ANO2: variants seen among roughly 807,000 people sequenced by gnomAD.
ANO2 encodes anoctamin 2, also known as anoctamin-2.
ANO2 carries 101 observed loss-of-function variants against 124.2 expected under a neutral mutation model. The observed-to-expected ratio is 0.81, with a 90% CI of 0.69 to 0.96. The LOEUF (loss-of-function observed/expected upper bound fraction) is 0.96, where lower values mean the gene tolerates loss of function less well. Among genes scored for constraint, ANO2 ranks in the 40% least tolerant of loss-of-function variants. The pLI, the probability that ANO2 is intolerant of heterozygous loss-of-function variation, is 0.00. For synonymous variants in ANO2, 486 were observed against 482.5 expected (o/e 1.01, Z -0.09); for missense variants, 1,293 against 1,274.5 (o/e 1.01, Z -0.22).
chr12:5,722,133 T>C (rs1341976733), intron 14 of ANO2, among the ~76,000 whole-genome samples: 1 of 152,234 alleles, frequency 6.6e-6, no homozygotes, highest in Non-Finnish European at 1.5e-5. Context: ...TCATGCTTCC[T>C]GTTCCACAAT....
At chr12:5,820,189 C>T (rs1953741746) in intron 7 of ANO2, among the ~76,000 whole-genome samples, 1 of 152,184 alleles carries the variant, frequency 6.6e-6, no homozygotes, top group Non-Finnish European at 1.5e-5. Flanking sequence ...CCCCACTATA[C>T]TACTGACAAT....
chr12:5,910,764 A>T (rs922377407), intron 3 of ANO2, among the ~76,000 whole-genome samples: 5 of 152,126 alleles, frequency 3.3e-5, no homozygotes, highest in African/African-American at 1.2e-4. Context: ...TCAGTGAAGG[A>T]GGACACTTAA....
chr12:5,572,321 C>G (rs1942174523), intron 23 of ANO2, among the ~76,000 whole-genome samples: 1 of 152,178 alleles, frequency 6.6e-6, no homozygotes, highest in South Asian at 2.1e-4. Flanking sequence ...GCCCCATGAC[C>G]TACCACCCTC....
chr12:5,672,167 C>T (rs574011825), intron 14 of ANO2, among the ~76,000 whole-genome samples: 17 of 152,280 alleles, frequency 1.1e-4, no homozygotes, highest in Admixed American at 1.0e-3. Context: ...ACAGCACTGC[C>T]AAGGTTTTTC....
intron 3 of ANO2, among the ~76,000 whole-genome samples, chr12:5,859,493 A>G (rs1955202627): frequency 6.6e-6 from 1 of 152,014 alleles, no homozygotes; most frequent in African/African-American, 2.4e-5. Flanking sequence ...AAGGAAATGA[A>G]TACTCCTCAA....
rs1409892682 is a variant in ANO2 at position 5,864,542 on chromosome 12, T to G, written c.535-10401A>C. On this transcript the variant is annotated intron_variant, in intron 3 of 24. Coordinates refer to ENST00000682330, the MANE Select transcript of ANO2 (RefSeq NM_001364791.2). ...AAGTGGAATCAGATGCTGTGGATGC[T>G]AACTCTCAGCAATGGGTGTGCCTCT... 2.0e-5 allele frequency among the ~76,000 whole-genome samples: 3 copies of G among 152,346 alleles called. No individual in the cohort carries two copies. The East Asian group carries it at 5.8e-4, about 29-fold the overall frequency.
At chr12:5,927,682 G>A (rs1449962123) in intron 1 of ANO2, among the ~76,000 whole-genome samples, 1 of 152,194 alleles carries the variant, frequency 6.6e-6, no homozygotes, top group Non-Finnish European at 1.5e-5. Context: ...CCTGATATTG[G>A]TAAAAAGCAT....
In ANO2 at chr12:5,695,056, C is replaced by T. The variant is rs147895911; in HGVS notation, c.1545+37464G>A. 3.2e-3 allele frequency among the ~76,000 whole-genome samples: 489 copies of T among 152,228 alleles called. 3 individuals are homozygous for T. Among genetic ancestry groups the T allele is most frequent in the African/African-American group, 0.011 (452 of 41,524 alleles). On this transcript the variant is annotated intron_variant, in intron 14 of 24. Transcript: ENST00000682330. ...GTGTCTGCTGAATAGTTCCTCAAGC[C>T]GCTAGTTTGCTGCTGGCTGTGGACA...
At chr12:5,841,469 A>G (rs1433425112) in intron 4 of ANO2, among the ~76,000 whole-genome samples, 1 of 152,224 alleles carries the variant, frequency 6.6e-6, no homozygotes, top group African/African-American at 2.4e-5. Flanking sequence ...TAGGTCCTCT[A>G]CACATGAATG....
intron 19 of ANO2, among the ~76,000 whole-genome samples, chr12:5,610,851 CACACACACAA>C (rs1443666172): frequency 3.3e-4 from 48 of 146,438 alleles, no homozygotes; most frequent in African/African-American, 1.1e-3. Context: ...CACACACACA[CACACACACAA>C]CCCTAAGGGA....
chr12:5,879,258 T>A (rs969626619), intron 3 of ANO2, among the ~76,000 whole-genome samples: 1 of 142,432 alleles, frequency 7.0e-6, no homozygotes, highest in African/African-American at 2.5e-5. Context: ...GGCAGGTAAA[T>A]AAGAAGGGAC....
At chr12:5,664,045 C>T (rs1043127838) in intron 14 of ANO2, among the ~76,000 whole-genome samples, 6 of 152,156 alleles carry the variant, frequency 3.9e-5, no homozygotes, top group African/African-American at 9.7e-5. Flanking sequence ...GGTGGAAGAG[C>T]TTCTAAATTT....
At chr12:5,739,509 C>T (rs994823656) in intron 12 of ANO2, 110 bp from the exon 13 acceptor site, 4 of 878,746 alleles carry the variant, frequency 4.6e-6, no homozygotes, top group Non-Finnish European at 7.0e-6. Flanking sequence ...AATTTAGGAG[C>T]TCTCTTTAAT....
intron 6 of ANO2, 38 bp from the exon 7 acceptor site, chr12:5,827,858 T>C: frequency 6.3e-7 from 1 of 1,588,434 alleles, no homozygotes; most frequent in Non-Finnish European, 8.6e-7. Flanking sequence ...AGCTCCTAGT[T>C]CCCCCCCGCC....
intron 20 of ANO2, among the ~76,000 whole-genome samples, chr12:5,589,880 T>C (rs1011398693): frequency 2.0e-5 from 3 of 151,934 alleles, no homozygotes; most frequent in African/African-American, 4.8e-5. Flanking sequence ...TAGGATTAAA[T>C]AAACGAGAAG....
intron 20 of ANO2, among the ~76,000 whole-genome samples, chr12:5,591,393 T>C (rs1000405128): frequency 1.3e-5 from 2 of 152,206 alleles, no homozygotes; most frequent in African/African-American, 4.8e-5. Flanking sequence ...GCAAAGTCTA[T>C]TGAATCTGCA....
At chr12:5,748,468 T>C (rs924485106) in intron 11 of ANO2, among the ~76,000 whole-genome samples, 1 of 152,268 alleles carries the variant, frequency 6.6e-6, no homozygotes, top group Non-Finnish European at 1.5e-5. Flanking sequence ...CTCTGCTTAT[T>C]AGAAAAAGCA....
intron 14 of ANO2, among the ~76,000 whole-genome samples, chr12:5,679,611 T>C (rs1245267664): frequency 2.0e-5 from 3 of 152,200 alleles, no homozygotes; most frequent in African/African-American, 7.2e-5. Context: ...CCCGTCAGAA[T>C]GGCTATCATT....
chr12:5,728,243 CA>C (rs969343256), intron 14 of ANO2, among the ~76,000 whole-genome samples: 4 of 152,040 alleles, frequency 2.6e-5, no homozygotes, highest in Admixed American at 2.0e-4. Flanking sequence ...CATGATCTCA[CA>C]AATAGAAAAT....
Sources: gnomAD v4.1 joint callset for allele counts (sites outside exome capture counted in the v4.1 genomes callset) on GRCh38, gnomAD v4.1.1 for gene constraint, MANE v1.5 for transcripts, NCBI Gene and HGNC (gene_info 2026-07-23, HGNC 2026-07-21) for gene names.